The following COL1A1 variants were observed in gnomAD, a reference collection of about 807,000 sequenced individuals.
The protein encoded by COL1A1 is collagen alpha-1(I) chain.
Under a neutral mutation model 195.7 loss-of-function variants are expected in COL1A1, and 21 were observed. The ratio of observed to expected loss-of-function variants is 0.11; its 90% CI spans 0.08 to 0.15. The LOEUF (loss-of-function observed/expected upper bound fraction) is 0.15. Ranked by LOEUF, COL1A1 falls within the 10% of genes least tolerant of loss-of-function variation. The probability of loss-of-function intolerance (pLI) is 1.00; values close to 1 mark genes in which losing one functional copy is unlikely to be tolerated. For missense variants in COL1A1, 1,365 were observed against 2,051.0 expected (o/e 0.67, Z 6.46); for synonymous variants, 749 against 747.3 (o/e 1.00, Z -0.04).
In COL1A1 at chr17:50,189,692, G is replaced by A; in HGVS notation, c.2654C>T (p.Pro885Leu). Residue 885 changes from proline to leucine, a missense_variant, in exon 38 of 51, where the codon CCT (proline) becomes CTT (leucine). Physicochemically the swap from Pro to Leu is moderately conservative, Grantham distance 98. Transcript: ENST00000225964. This position sits in a 1 kb window ranked among gnomAD's most constrained non-coding sequence, Gnocchi z 5.5. ...GFPGAAGRVG[P>L]PGPSGNAGPP... ...GCAGAGACTTACAGAGGGGCCAGGAGGACCGACTCGGCCAGCAGCACCAGG... is the reference window on the plus strand; with the variant it reads ...GCAGAGACTTACAGAGGGGCCAGGAAGACCGACTCGGCCAGCAGCACCAGG... 6.2e-7 allele frequency: 1 copy of A among 1,614,000 alleles called. No homozygotes were observed. Among genetic ancestry groups the A allele is most frequent in the East Asian group, 2.2e-5 (1 of 44,884 alleles).
At chr17:50,187,855 G>C (rs535236489) in intron 45 of COL1A1, 21 bp downstream of exon 45, 2 of 1,571,882 alleles carry the variant, frequency 1.3e-6, no homozygotes, top group East Asian at 2.2e-5. Flanking sequence ...TGGGGACTGG[G>C]GAGGGGCTGA....
rs771918127 is a variant in COL1A1, at chr17:50,189,864, G to A, written c.2608C>T (p.Pro870Ser). 24 of 1,607,500 alleles carry A rather than the reference G, an allele frequency of 1.5e-5. No individual in the cohort carries two copies. The Middle Eastern group carries it at 2.3e-3, about 155-fold the overall frequency. The change falls in exon 37 of 51, where the codon CCC becomes TCC. Residue 870 changes from proline (P) to serine (S), a missense_variant. By Grantham distance (74) the Pro-to-Ser change is moderately conservative. This residue lies in a region of COL1A1 where 671 missense variants were observed against 1,099.9 expected (regional missense o/e 0.61). Transcript: ENST00000225964. The surrounding 1 kb of genome is among the most constrained non-coding windows in gnomAD (Gnocchi z 5.5). Reference protein sequence around the residue: ...GAKGARGSAGPPGATGFPGAA... With the variant: ...GAKGARGSAGSPGATGFPGAA... ...GAGAGGCGGGTGATACTCACAGGGGGACCAGCGCTGCCGCGAGCACCTTTG... is the reference window on the plus strand; with the variant it reads ...GAGAGGCGGGTGATACTCACAGGGGAACCAGCGCTGCCGCGAGCACCTTTG...
In COL1A1 at chr17:50,186,758, G is replaced by A; in HGVS notation, c.3696C>T (p.Asp1232=). 1.2e-6 allele frequency: 2 copies of A among 1,614,036 alleles called. No homozygotes were observed. The highest frequency in any genetic ancestry group is 1.7e-6 in the Non-Finnish European group (2 of 1,180,026). ...GCTGGCTCAGGCTCTTGAGGGTGGT[G>A]TCCACCTCGAGGTCACGGTCACGAA... ...NVVRDRDLEV[D]TTLKSLSQQI... The change falls in exon 48 of 51, where the codon GAC becomes GAT. Residue 1232 remains aspartate, a synonymous_variant. Coordinates refer to ENST00000225964, the MANE Select transcript of COL1A1 (RefSeq NM_000088.4). The surrounding 1 kb of genome is among the most constrained non-coding windows in gnomAD (Gnocchi z 5.3).
intron 9 of COL1A1, 79 bp from the exon 10 acceptor site, chr17:50,197,312 GTCT>G (rs1249546919): frequency 2.8e-6 from 4 of 1,441,618 alleles, no homozygotes; most frequent in African/African-American, 2.8e-5. Flanking sequence ...GAAGGTCTCA[GTCT>G]TCTTTGGATT....
chr17:50,190,179 T>A lies in COL1A1; in HGVS notation c.2452-71A>T. The A allele has an allele frequency of 7.4e-7, 1 of 1,355,052 alleles. No individual in the cohort carries two copies. The highest frequency in any genetic ancestry group is 1.1e-6 in the Non-Finnish European group (1 of 944,826). The allele number at this position is 1,355,052 out of a possible 1,614,324, so 83.9% of individuals were successfully genotyped here. On this transcript the variant is annotated intron_variant, in intron 35 of 50. Transcript: ENST00000225964. The surrounding 1 kb of genome is among the most constrained non-coding windows in gnomAD (Gnocchi z 4.7). The stretch of plus-strand genomic sequence containing the variant: ...TTTCCACTACCTGGGGGAGGAGCAG[T>A]AATGGAGGCAGGAAGATGCTTGGGT...
Position 50,185,798 on chromosome 17 carries a change from C to T in COL1A1, c.4228G>A (p.Val1410Ile), listed in dbSNP as rs769619568. The T allele has an allele frequency of 1.1e-5, 18 of 1,613,776 alleles. No individual in the cohort carries two copies. The highest frequency in any genetic ancestry group is 1.0e-4 in the Admixed American group (6 of 60,002). ...CTCACCGTGCAGCCATCGACAGTGA[C>T]GCTGTAGGTGAAGCGGCTGTTGCCC... ...AEGNSRFTYS[V>I]TVDGCTSHTG... The change falls in exon 50 of 51, where the codon GTC becomes ATC. Residue 1410 changes from valine (V) to isoleucine (I), a missense_variant. This residue lies in a region of COL1A1 where 273 missense variants were observed against 338.6 expected (regional missense o/e 0.81). Coordinates refer to ENST00000225964, the MANE Select transcript of COL1A1 (RefSeq NM_000088.4).
chr17:50,199,995 A>G (rs1260277115), intron 1 of COL1A1, 48 bp from the exon 2 acceptor site: 1 of 1,588,658 alleles, frequency 6.3e-7, no homozygotes, highest in Non-Finnish European at 8.6e-7. Context: ...TGCAACCCCC[A>G]GCTTAACCAC....
In COL1A1 at chr17:50,193,027, T is replaced by C. The variant is rs772205244; in HGVS notation, c.1788A>G (p.Gly596=). ...KGAAGEPGKA[G]ERGVPGPPGA... ...CAGGGGGTCCGGGAACACCTCGCTC[T>C]CCAGCCTTGCCGGGCTCTCCCTGTG... The change falls in exon 26 of 51, where the codon GGA becomes GGG. Residue 596 remains glycine, a synonymous_variant. Transcript: ENST00000225964. The C allele has an allele frequency of 6.2e-7, 1 of 1,614,042 alleles. No homozygotes were observed. Among genetic ancestry groups the C allele is most frequent in the African/African-American group, 1.3e-5 (1 of 75,044 alleles).
chr17:50,197,443 C>T (rs1412148350), intron 9 of COL1A1, among the ~76,000 whole-genome samples: 1 of 152,240 alleles, frequency 6.6e-6, no homozygotes, highest in Non-Finnish European at 1.5e-5. Flanking sequence ...TTTCTGTCTA[C>T]TTCTGTCACC....
At position 50,194,877 on chromosome 17, in the gene COL1A1, G is replaced by A. The variant is rs775763927; in HGVS notation, c.1354-49C>T. On this transcript the variant is annotated intron_variant, in intron 20 of 50. Coordinates refer to ENST00000225964, the MANE Select transcript of COL1A1 (RefSeq NM_000088.4). The surrounding 1 kb of genome is among the most constrained non-coding windows in gnomAD (Gnocchi z 6.8). ...GCGGCCTGTGGTGAGGGGCCATCCT[G>A]TGCCAGCCTCAGAGCCGGCTGAGGC... The A allele has an allele frequency of 1.1e-5, 17 of 1,558,582 alleles. No homozygotes were observed. The highest frequency in any genetic ancestry group is 2.3e-5 in the East Asian group (1 of 43,674).
Position 50,196,674 on chromosome 17 carries a change from A to C in COL1A1, c.805-4T>G. 1 of 1,614,084 alleles carries C rather than the reference A, an allele frequency of 6.2e-7. No individual in the cohort carries two copies. On this transcript the variant is annotated splice_polypyrimidine_tract_variant and splice_region_variant and intron_variant, in intron 11 of 50. Coordinates refer to ENST00000225964, the MANE Select transcript of COL1A1 (RefSeq NM_000088.4). ...CACCATCCAAACCACTGAAACCCTA[A>C]AGCAGGAAAGAGGTAGAAGGTAAGA...
In COL1A1 at chr17:50,194,291, G is replaced by A; in HGVS notation, c.1614+58C>T. 1 of 1,604,814 alleles carries A rather than the reference G, an allele frequency of 6.2e-7. No individual in the cohort carries two copies. Among genetic ancestry groups the A allele is most frequent in the Non-Finnish European group, 8.5e-7 (1 of 1,172,182 alleles). On this transcript the variant is annotated intron_variant, in intron 23 of 50. Coordinates refer to ENST00000225964, the MANE Select transcript of COL1A1 (RefSeq NM_000088.4). This position sits in a 1 kb window ranked among gnomAD's most constrained non-coding sequence, Gnocchi z 6.8. Reference sequence around the variant, plus strand: ...GCCTGATCCAGAACGCCTCATCCCAGACCCTACACGGGATGGTCAGGGCCT... The same window carrying A: ...GCCTGATCCAGAACGCCTCATCCCAAACCCTACACGGGATGGTCAGGGCCT...
At chr17:50,196,886 C>T (rs1178403755) in intron 11 of COL1A1, 124 bp downstream of exon 11, 2 of 1,215,406 alleles carry the variant, frequency 1.6e-6, no homozygotes, top group Admixed American at 3.7e-5. Context: ...CACTCTCTGT[C>T]CCTTGGGACT....
At chr17:50,200,632 A>G (rs1408243726) in intron 1 of COL1A1, among the ~76,000 whole-genome samples, 1 of 152,092 alleles carries the variant, frequency 6.6e-6, no homozygotes, top group Non-Finnish European at 1.5e-5. Context: ...AAGTTAGCTA[A>G]CCACTCCCAC....
At position 50,188,321 on chromosome 17, in the gene COL1A1, C is replaced by A; in HGVS notation, c.3208-172G>T. The stretch of plus-strand genomic sequence containing the variant: ...ACTGCAATCTTCACGGGAGCTGGGG[C>A]CAACTCATGGGAGAGGCGGTCCTGT... On this transcript the variant is annotated intron_variant, in intron 43 of 50. Transcript: ENST00000225964. The surrounding 1 kb of genome is among the most constrained non-coding windows in gnomAD (Gnocchi z 5.6). The A allele has an allele frequency of 3.6e-6, 3 of 843,010 alleles. No individual in the cohort carries two copies. The highest frequency in any genetic ancestry group is 5.5e-6 in the Non-Finnish European group (3 of 543,922). The allele number at this position is 843,010 out of a possible 1,614,324, so 52.2% of individuals were successfully genotyped here.
Position 50,194,110 on chromosome 17 carries a change from TC to T in COL1A1, c.1668+19del. The stretch of plus-strand genomic sequence containing the variant: ...GGCAGACAGGACAATGGCAGGGGGT[TC>T]AGGGGGAGTGATACTTACAGGGGGG... On this transcript the variant is annotated intron_variant, in intron 24 of 50. Transcript: ENST00000225964. This position sits in a 1 kb window ranked among gnomAD's most constrained non-coding sequence, Gnocchi z 6.8. 6.2e-7 allele frequency: 1 copy of T among 1,610,752 alleles called. No homozygotes were observed. Among genetic ancestry groups the T allele is most frequent in the Non-Finnish European group, 8.5e-7 (1 of 1,178,084 alleles).
In COL1A1 at chr17:50,190,299, G is replaced by GA; in HGVS notation, c.2451+27dup. On this transcript the variant is annotated intron_variant, in intron 35 of 50. Coordinates refer to ENST00000225964, the MANE Select transcript of COL1A1 (RefSeq NM_000088.4). This position sits in a 1 kb window ranked among gnomAD's most constrained non-coding sequence, Gnocchi z 4.7. ...GAGGTCCCAGGTCCCAGTCGGTGAT[G>GA]AAAAATGATGGGGGTCTTGGTACTC... The GA allele has an allele frequency of 6.5e-7, 1 of 1,535,996 alleles. No individual in the cohort carries two copies. Among genetic ancestry groups the GA allele is most frequent in the Non-Finnish European group, 9.0e-7 (1 of 1,109,802 alleles).
chr17:50,189,924 C>T lies in COL1A1; in HGVS notation c.2560-12G>A. 1 of 1,611,880 alleles carries T rather than the reference C, an allele frequency of 6.2e-7. No individual in the cohort carries two copies. The highest frequency in any genetic ancestry group is 8.5e-7 in the Non-Finnish European group (1 of 1,179,018). ...GCACCAACATTACCCTGTAGGAGAG[C>T]ACAGAGGCATCAAGCCTGGACCCGT... On this transcript the variant is annotated splice_polypyrimidine_tract_variant and intron_variant, in intron 36 of 50. Transcript: ENST00000225964. The surrounding 1 kb of genome is among the most constrained non-coding windows in gnomAD (Gnocchi z 5.5).
Position 50,192,844 on chromosome 17 carries a change from C to A in COL1A1, c.1828G>T (p.Ala610Ser), listed in dbSNP as rs1016862662. ...VPGPPGAVGP[A>S]GKDGEAGAQG... ...GCTCCAGCCTCTCCATCTTTGCCAG[C>A]AGGACCCTGCAGGGAGAGAGCAAAG... Residue 610 changes from alanine to serine, a missense_variant, in exon 27 of 51, where the codon GCT becomes TCT. By Grantham distance (99) the Ala-to-Ser change is moderately conservative. This residue lies in a region of COL1A1 where 671 missense variants were observed against 1,099.9 expected (regional missense o/e 0.61). Transcript: ENST00000225964. The A allele has an allele frequency of 4.3e-6, 7 of 1,613,926 alleles. No homozygotes were observed. Among genetic ancestry groups the A allele is most frequent in the Non-Finnish European group, 5.9e-6 (7 of 1,179,962 alleles).
Sources: gnomAD v4.1 joint callset for allele counts (sites outside exome capture counted in the v4.1 genomes callset) on GRCh38, gnomAD v4.1.1 for gene constraint, gnomAD v4.1.1 regional missense constraint, Gnocchi (gnomAD v3.1) non-coding constraint, MANE v1.5 for transcripts, NCBI Gene and HGNC (gene_info 2026-07-23, HGNC 2026-07-21) for gene names.